The following PTPN14 variants were observed in gnomAD, a reference collection of about 807,000 sequenced individuals.
PTPN14 encodes the protein protein tyrosine phosphatase non-receptor type 14.
Under a neutral mutation model 126.8 loss-of-function variants are expected in PTPN14, and 53 were observed. The ratio of observed to expected loss-of-function variants is 0.42; its 90% CI spans 0.34 to 0.53. PTPN14 has a LOEUF of 0.53. Among genes scored for constraint, PTPN14 ranks in the 20% least tolerant of loss-of-function variants. The pLI, the probability that PTPN14 is intolerant of heterozygous loss-of-function variation, is 0.08. For synonymous variants in PTPN14, 630 were observed against 599.3 expected, an observed-to-expected ratio of 1.05 and a Z score of -0.75; for missense variants, 1,257 against 1,552.9, an observed-to-expected ratio of 0.81 and a Z score of 3.20.
chr1:214,454,120 T>C (rs1169273861), intron 2 of PTPN14, among the ~76,000 whole-genome samples: 1 of 152,216 alleles, frequency 6.6e-6, no homozygotes, highest in Non-Finnish European at 1.5e-5. Flanking sequence ...TAATAAATTA[T>C]GTAATATATG....
Position 214,383,404 on chromosome 1 carries a change from C to T in PTPN14, c.2451G>A (p.Lys817=). The change falls in exon 13 of 19, where the codon AAG becomes AAA. Residue 817 remains lysine, a synonymous_variant. Transcript: ENST00000366956. This position sits in a 1 kb window ranked among gnomAD's most constrained non-coding sequence, Gnocchi z 4.4. ...TCACAGGCTCTTTTTTGACCCGCTC[C>T]TTCACACTAGTCAGGTCGGGTTCCG... ...SISEPDLTSV[K]ERVKKEPVKE... is the part of the protein sequence containing the mutation. The T allele has an allele frequency of 1.2e-6, 2 of 1,614,252 alleles. No individual in the cohort carries two copies. The highest frequency in any genetic ancestry group is 8.5e-7 in the Non-Finnish European group (1 of 1,180,056).
intron 1 of PTPN14, among the ~76,000 whole-genome samples, chr1:214,544,487 CG>C (rs1655918831): frequency 6.6e-6 from 1 of 152,132 alleles, no homozygotes; most frequent in African/African-American, 2.4e-5. Context: ...CAGTGGCTCA[CG>C]CCTGTAATCC....
chr1:214,379,480 C>T (rs891511633), intron 13 of PTPN14, among the ~76,000 whole-genome samples: 1 of 152,272 alleles, frequency 6.6e-6, no homozygotes. Flanking sequence ...GCAGCCGACT[C>T]ATCAGACAAA....
intron 1 of PTPN14, among the ~76,000 whole-genome samples, chr1:214,540,730 CTATT>C (rs1296073064): frequency 6.6e-6 from 1 of 151,788 alleles, no homozygotes. Flanking sequence ...GCGTGAACAG[CTATT>C]TATTTATTTA....
chr1:214,402,865 A>G lies in PTPN14; in HGVS notation c.581+18T>C, dbSNP rs1245458461. ...ACATCTGTTGTGCAGGCAGCCCCTT[A>G]CCCTCTGCCTGCCTTACCTGTGGGC... is the stretch of plus-strand genomic sequence containing the variant. On this transcript the variant is annotated intron_variant, in intron 6 of 18. Coordinates refer to ENST00000366956, the MANE Select transcript of PTPN14 (RefSeq NM_005401.5). 1 of 1,612,834 alleles carries G rather than the reference A, an allele frequency of 6.2e-7. No individual in the cohort carries two copies. Among genetic ancestry groups the G allele is most frequent in the Admixed American group, 1.7e-5 (1 of 59,982 alleles).
rs777995212 is a variant in PTPN14 at position 214,386,886 on chromosome 1, C to T, written c.1024G>A (p.Val342Ile). ...QQPYILPPVHVQCGEHYSETH... is the reference protein window; with the variant it reads ...QQPYILPPVHIQCGEHYSETH... ...TCCGAGTAGTGCTCACCACACTGGACGTGAACGGGAGGCAGGATGTACGGC... is the reference window on the plus strand; with the variant it reads ...TCCGAGTAGTGCTCACCACACTGGATGTGAACGGGAGGCAGGATGTACGGC... The change falls in exon 12 of 19, where the codon GTC becomes ATC. Residue 342 changes from valine to isoleucine, a missense_variant. Transcript: ENST00000366956. 3.7e-6 allele frequency: 6 copies of T among 1,609,492 alleles called. No individual in the cohort carries two copies. Among genetic ancestry groups the T allele is most frequent in the Middle Eastern group, 1.7e-4 (1 of 6,052 alleles).
intron 5 of PTPN14, among the ~76,000 whole-genome samples, chr1:214,409,405 T>C (rs541326447): frequency 1.3e-5 from 2 of 152,318 alleles, no homozygotes; most frequent in Admixed American, 6.5e-5. Flanking sequence ...AATGACAAAA[T>C]TCTGTTCTAA....
At chr1:214,370,052 G>A (rs1250881018) in intron 16 of PTPN14, among the ~76,000 whole-genome samples, 5 of 152,300 alleles carry the variant, frequency 3.3e-5, no homozygotes, top group East Asian at 1.9e-4. Context: ...AGGCCAAGGC[G>A]CGTGGATCAC....
At chr1:214,488,789 G>A (rs915246962) in intron 1 of PTPN14, among the ~76,000 whole-genome samples, 1 of 152,192 alleles carries the variant, frequency 6.6e-6, no homozygotes, top group African/African-American at 2.4e-5. Context: ...TGCTTAAGAA[G>A]ATTTTTGCAA....
rs763458880 is a variant in PTPN14 at position 214,411,750 on chromosome 1, A to G, written c.444T>C (p.Ala148=). 2 of 1,503,594 alleles carry G rather than the reference A, an allele frequency of 1.3e-6. No homozygotes were observed. The highest frequency in any genetic ancestry group is 1.8e-6 in the Non-Finnish European group (2 of 1,092,672). 93.1% of individuals were successfully genotyped at this position (1,503,594 alleles called of 1,614,324 possible). The part of the protein sequence containing the change: ...VIRLAGLAVQ[A]DFGDYNQFDS... ...CAAACTGATTATAGTCTCCAAAATC[A>G]GCTGAGAAGAAAAGAAGATGGAAGG... Residue 148 remains alanine (A), a splice_region_variant and synonymous_variant, in exon 5 of 19, where the codon GCT becomes GCC. Coordinates refer to ENST00000366956, the MANE Select transcript of PTPN14 (RefSeq NM_005401.5).
In PTPN14 at chr1:214,384,710, G is replaced by C. The variant is rs761964158; in HGVS notation, c.1145C>G (p.Thr382Ser). 3.1e-6 allele frequency: 5 copies of C among 1,614,132 alleles called. No individual in the cohort carries two copies. In the East Asian group the frequency reaches 6.7e-5, roughly 22 times the overall value. ...NSLDLNYLNGTVTNGSVCSVH... is the reference protein window; with the variant it reads ...NSLDLNYLNGSVTNGSVCSVH... Reference sequence around the variant, plus strand: ...GCTACACACGCTGCCATTGGTGACAGTGCCATTTAAATAATTTAAGTCCAG... The same window carrying C: ...GCTACACACGCTGCCATTGGTGACACTGCCATTTAAATAATTTAAGTCCAG... Residue 382 changes from threonine to serine, a missense_variant, in exon 13 of 19, where the codon ACT becomes AGT. Physicochemically the swap from Thr to Ser is moderately conservative, Grantham distance 58. Coordinates refer to ENST00000366956, the MANE Select transcript of PTPN14 (RefSeq NM_005401.5). This position sits in a 1 kb window ranked among gnomAD's most constrained non-coding sequence, Gnocchi z 5.3.
Position 214,393,912 on chromosome 1 carries a change from A to T in PTPN14, c.847-135T>A. 5.7e-6 allele frequency: 4 copies of T among 702,844 alleles called. No homozygotes were observed. The South Asian group carries it at 7.3e-5, about 13-fold the overall frequency. The allele number at this position is 702,844 out of a possible 1,614,324, so 43.5% of individuals were successfully genotyped here. On this transcript the variant is annotated intron_variant, in intron 9 of 18. Transcript: ENST00000366956. The stretch of plus-strand genomic sequence containing the variant: ...GCACAAAATAATACATGGGCCAGCA[A>T]GGTAAACCAGCCTGCTGAATTTCAG...
At chr1:214,468,024 C>CA (rs1660679424) in intron 1 of PTPN14, among the ~76,000 whole-genome samples, 2 of 151,516 alleles carry the variant, frequency 1.3e-5, no homozygotes, top group Non-Finnish European at 2.9e-5. Flanking sequence ...GTGTGTGAAC[C>CA]CTGACTAAAT....
chr1:214,473,386 A>G (rs1660802610), intron 1 of PTPN14, among the ~76,000 whole-genome samples: 1 of 152,232 alleles, frequency 6.6e-6, no homozygotes, highest in South Asian at 2.1e-4. Flanking sequence ...TCAAATCCAA[A>G]TCCTAAACAT....
intron 5 of PTPN14, among the ~76,000 whole-genome samples, chr1:214,410,628 T>C (rs115937293): frequency 0.017 from 2,601 of 152,296 alleles, 79 homozygotes; most frequent in African/African-American, 0.059. Context: ...TTTACTTTTG[T>C]ACAAAGGGTG....
chr1:214,358,105 C>A (rs1657868146), intron 18 of PTPN14, 55 bp from the exon 19 acceptor site: 1 of 1,583,282 alleles, frequency 6.3e-7, no homozygotes, highest in Non-Finnish European at 8.6e-7. Context: ...TCCCTTTGAG[C>A]ATTCCTCATT....
intron 1 of PTPN14, among the ~76,000 whole-genome samples, chr1:214,540,494 G>A (rs1159509853): frequency 1.3e-5 from 2 of 152,122 alleles, no homozygotes; most frequent in Non-Finnish European, 2.9e-5. Flanking sequence ...CAGCTCTTCA[G>A]TGGGACACAT....
intron 18 of PTPN14, among the ~76,000 whole-genome samples, chr1:214,362,138 A>G (rs1407170301): frequency 1.3e-5 from 2 of 152,192 alleles, no homozygotes; most frequent in South Asian, 2.1e-4. Flanking sequence ...TAAACTAAAC[A>G]TGGTCTACTC....
chr1:214,450,401 G>C (rs1408444711), intron 3 of PTPN14, among the ~76,000 whole-genome samples: 1 of 151,498 alleles, frequency 6.6e-6, no homozygotes, highest in Non-Finnish European at 1.5e-5. Context: ...GAACCTGGGA[G>C]GTGGAGGCTG....
Sources: gnomAD v4.1 joint callset for allele counts (sites outside exome capture counted in the v4.1 genomes callset) on GRCh38, gnomAD v4.1.1 for gene constraint, Gnocchi (gnomAD v3.1) non-coding constraint, MANE v1.5 for transcripts, NCBI Gene and HGNC (gene_info 2026-07-23, HGNC 2026-07-21) for gene names.